Variants in CELF1 observed in about 807,000 individuals in gnomAD.
The protein encoded by CELF1 is 50 kDa nuclear polyadenylated RNA-binding protein.
Under a neutral mutation model 61.8 loss-of-function variants are expected in CELF1, and 10 were observed. The ratio of observed to expected loss-of-function variants is 0.16; its 90% CI spans 0.10 to 0.27. CELF1 has a LOEUF of 0.27. Among genes scored for constraint, CELF1 ranks in the 10% least tolerant of loss-of-function variants. CELF1 has a pLI of 1.00. For missense variants in CELF1, 380 were observed against 639.1 expected (o/e 0.59, Z 4.37); for synonymous variants, 236 against 225.1 (o/e 1.05, Z -0.43).
intron 2 of CELF1, chr11:47,499,820 A>G: frequency 2.8e-6 from 1 of 353,260 alleles, no homozygotes. Context: ...AAGCAGTACT[A>G]AGTGCACTGT....
intron 1 of CELF1, among the ~76,000 whole-genome samples, chr11:47,544,499 C>T (rs760733122): frequency 2.6e-5 from 4 of 152,222 alleles, no homozygotes; most frequent in Non-Finnish European, 5.9e-5. Context: ...CCTTACCAGG[C>T]TGTGTTTATA....
intron 1 of CELF1, among the ~76,000 whole-genome samples, chr11:47,507,280 T>G (rs1454712802): frequency 6.6e-6 from 1 of 152,212 alleles, no homozygotes; most frequent in African/African-American, 2.4e-5. Flanking sequence ...GAAAAGCTAA[T>G]GGCTGTATAA....
rs531294869 is a variant in CELF1, at chr11:47,531,307, C to T, written c.-154+21685G>A. Among the ~76,000 whole-genome samples, 6 of 151,942 alleles carry T rather than the reference C, an allele frequency of 3.9e-5. No homozygotes were observed. The South Asian group carries it at 6.2e-4, about 16-fold the overall frequency. On this transcript the variant is annotated intron_variant, in intron 1 of 14. Coordinates refer to ENST00000687097, the MANE Select transcript of CELF1 (RefSeq NM_001376376.1). ...CAAACAGGCCAGGCGCGGTGGCTCA[C>T]GCCTGTCAACCCAGCGCTTTGGGAG...
At chr11:47,526,652 A>G (rs2096253386) in intron 1 of CELF1, among the ~76,000 whole-genome samples, 2 of 152,244 alleles carry the variant, frequency 1.3e-5, no homozygotes, top group Admixed American at 1.3e-4. Flanking sequence ...TTAAACCACT[A>G]TTAAGAAAAA....
intron 1 of CELF1, among the ~76,000 whole-genome samples, chr11:47,522,822 T>C (rs1197142639): frequency 1.4e-5 from 2 of 138,318 alleles, no homozygotes; most frequent in African/African-American, 5.5e-5. Context: ...CGAGACTCCA[T>C]CTCCAGAAAA....
upstream of CELF1, among the ~76,000 whole-genome samples, chr11:47,553,814 A>G (rs1294403629): frequency 8.4e-6 from 1 of 118,410 alleles, no homozygotes; most frequent in Non-Finnish European, 2.0e-5. Flanking sequence ...AAATATATAT[A>G]TATATTTTTT....
intron 1 of CELF1, among the ~76,000 whole-genome samples, chr11:47,548,369 A>C (rs1452319098): frequency 6.6e-6 from 1 of 152,216 alleles, no homozygotes; most frequent in Admixed American, 6.5e-5. Flanking sequence ...AATATAGAGG[A>C]AAAACTTCAT....
rs2077663338 is a variant in CELF1 at position 47,471,378 on chromosome 11, G to A, written c.*852C>T. On this transcript the variant is annotated 3_prime_UTR_variant, in exon 15 of 15. Transcript: ENST00000687097. ...TCCATAGAGGCCTTTAAAGAGACCC[G>A]TTGGAAATGGGCCATGGTCTAATTT... 1 of 152,152 alleles carries A rather than the reference G, an allele frequency of 6.6e-6. No homozygotes were observed. The highest frequency in any genetic ancestry group is 1.5e-5 in the Non-Finnish European group (1 of 68,032). The allele number at this position is 152,152 out of a possible 1,614,324, so 9.4% of individuals were successfully genotyped here.
rs1565830094 is a variant in CELF1 at position 47,499,516 on chromosome 11, G to A, written c.8C>T (p.Ala3Val). The A allele has an allele frequency of 8.5e-6, 13 of 1,535,494 alleles. No individual in the cohort carries two copies. Among genetic ancestry groups the A allele is most frequent in the Non-Finnish European group, 5.2e-6 (6 of 1,146,542 alleles). Residue 3 changes from alanine (A) to valine (V), a missense_variant, in exon 3 of 15, where the codon GCG (alanine) becomes GTG (valine). Ala to Val is a moderately conservative substitution (Grantham distance 64, BLOSUM62 0). Coordinates refer to ENST00000687097, the MANE Select transcript of CELF1 (RefSeq NM_001376376.1). Reference sequence around the variant, plus strand: ...TTCTGGAAGGAAATCCAACTTAAACGCAGCCATCACCTCACTCTCCCCTTC... The same window carrying A: ...TTCTGGAAGGAAATCCAACTTAAACACAGCCATCACCTCACTCTCCCCTTC... MA[A>V]FKLDFLPEMM...
upstream of CELF1, chr11:47,553,184 G>GGAGGGGGAGCGCGGC (rs1690346705): frequency 2.5e-6 from 1 of 392,664 alleles, no homozygotes; most frequent in Non-Finnish European, 4.5e-6. Flanking sequence ...GGGCAGAGGA[G>GGAGGGGGAGCGCGGC]GAGGGGGAGC....
chr11:47,476,677 T>C (rs1001909446), intron 12 of CELF1, among the ~76,000 whole-genome samples, 169 bp downstream of exon 12: 20 of 152,266 alleles, frequency 1.3e-4, no homozygotes, highest in Middle Eastern at 3.4e-3. Context: ...TCGCCCACCT[T>C]GACCTCCCAA....
At chr11:47,552,364 G>A (rs1245866879) in intron 1 of CELF1, among the ~76,000 whole-genome samples, 1 of 152,230 alleles carries the variant, frequency 6.6e-6, no homozygotes, top group Non-Finnish European at 1.5e-5. Context: ...CCCTAGCGAA[G>A]AAAGCGCTTT....
At chr11:47,534,022 C>CTTTTTTTTT (rs71042679) in intron 1 of CELF1, among the ~76,000 whole-genome samples, 3 of 87,574 alleles carry the variant, frequency 3.4e-5, no homozygotes, top group Non-Finnish European at 4.2e-5. Flanking sequence ...TTTTTCTTTC[C>CTTTTTTTTT]TTTTTTTTTT....
intron 1 of CELF1, among the ~76,000 whole-genome samples, chr11:47,511,870 ACAGAGTCTCTCTCTCTTTTC>A (rs1472185239): frequency 1.3e-5 from 2 of 152,154 alleles, no homozygotes; most frequent in Non-Finnish European, 1.5e-5. Flanking sequence ...TTTTTTTGAG[ACAGAGTCTCTCTCTCTTTTC>A]CAGGCTGAAG....
chr11:47,485,334 C>T (rs192417248), intron 6 of CELF1, among the ~76,000 whole-genome samples: 11 of 152,264 alleles, frequency 7.2e-5, no homozygotes, highest in African/African-American at 2.6e-4. Flanking sequence ...GTATGTACCA[C>T]CACACCCAGC....
rs1382771215 is a variant in CELF1, at chr11:47,469,502, T to C, written c.*2728A>G. 2 of 152,298 alleles carry C rather than the reference T, an allele frequency of 1.3e-5. No individual in the cohort carries two copies. Among genetic ancestry groups the C allele is most frequent in the Non-Finnish European group, 2.9e-5 (2 of 68,064 alleles). The allele number at this position is 152,298 out of a possible 1,614,324, so 9.4% of individuals were successfully genotyped here. ...CCTTCACACAACAGAAAAGGATTGC[T>C]TAAGACTTGACAGCGAGTCTCCACT... is the stretch of plus-strand genomic sequence containing the variant. On this transcript the variant is annotated 3_prime_UTR_variant, in exon 15 of 15. Transcript: ENST00000687097.
chr11:47,472,381 G>A (rs758123891), intron 14 of CELF1, 24 bp from the exon 15 acceptor site: 2 of 1,610,388 alleles, frequency 1.2e-6, no homozygotes, highest in Non-Finnish European at 1.7e-6. Context: ...CAGAAACCTA[G>A]GTGAGGGACA....
In CELF1 at chr11:47,550,491, T is replaced by C. The variant is rs755114346; in HGVS notation, c.-154+2501A>G. Among the ~76,000 whole-genome samples, 12 of 151,984 alleles carry C rather than the reference T, an allele frequency of 7.9e-5. 1 individual carries two copies. The South Asian group carries it at 1.5e-3, about 18-fold the overall frequency. On this transcript the variant is annotated intron_variant, in intron 1 of 14. Coordinates refer to ENST00000687097, the MANE Select transcript of CELF1 (RefSeq NM_001376376.1). ...GTGTGCAGTGAGCACTCCAGTATGG[T>C]TGACAGAGCAAGACTCCATGGCGGG... is the stretch of plus-strand genomic sequence containing the variant.
At chr11:47,542,496 ATTT>A (rs112443041) in intron 1 of CELF1, among the ~76,000 whole-genome samples, 7 of 121,788 alleles carry the variant, frequency 5.7e-5, no homozygotes, top group Middle Eastern at 4.3e-3. Flanking sequence ...TACTTTCTCC[ATTT>A]TTTTTTTTTT....
Sources: allele counts gnomAD v4.1 joint callset (sites outside exome capture counted in the v4.1 genomes callset), GRCh38; gene constraint gnomAD v4.1.1; transcripts MANE v1.5; gene names NCBI Gene and HGNC (gene_info 2026-07-23, HGNC 2026-07-21).